COG5: variants seen among roughly 807,000 people sequenced by gnomAD.
COG5 encodes component of oligomeric golgi complex 5.
COG5 carries 86 observed loss-of-function variants against 110.4 expected under a neutral mutation model. The ratio of observed to expected loss-of-function variants is 0.78; its 90% CI spans 0.65 to 0.93. The LOEUF is 0.93. Ranked by LOEUF, COG5 falls within the 40% of genes least tolerant of loss-of-function variation. The pLI is 0.00. For missense variants in COG5, 1,077 were observed against 987.0 expected (o/e 1.09, Z -1.22); for synonymous variants, 360 against 334.6 (o/e 1.08, Z -0.83).
intron 11 of COG5, among the ~76,000 whole-genome samples, chr7:107,307,996 T>G (rs1483461823): frequency 6.6e-6 from 1 of 152,216 alleles, no homozygotes; most frequent in Non-Finnish European, 1.5e-5. Context: ...TCTGCCTGAT[T>G]GAGTTAGGAA....
At chr7:107,457,865 CAACAAA>C (rs912680922) in intron 6 of COG5, among the ~76,000 whole-genome samples, 1 of 152,106 alleles carries the variant, frequency 6.6e-6, no homozygotes, top group Non-Finnish European at 1.5e-5. Flanking sequence ...GCAACAACCA[CAACAAA>C]AACACTGATC....
intron 10 of COG5, among the ~76,000 whole-genome samples, chr7:107,352,160 G>A (rs949989393): frequency 6.7e-6 from 1 of 149,364 alleles, no homozygotes; most frequent in African/African-American, 2.5e-5. Context: ...TCCTTTGTAG[G>A]GACATGGATG....
At position 107,474,195 on chromosome 7, in the gene COG5, C is replaced by T. The variant is rs772840560; in HGVS notation, c.538+53042G>A. On this transcript the variant is annotated intron_variant, in intron 6 of 21. Transcript: ENST00000297135. The surrounding 1 kb of genome is among the most constrained non-coding windows in gnomAD (Gnocchi z 5.7). The stretch of plus-strand genomic sequence containing the variant: ...CGTTAAGCTTTCAAGTGTCTCTCAC[C>T]GGATTTCTTATGTTAGAAATTGTGT... 7.4e-6 allele frequency: 12 copies of T among 1,612,710 alleles called. No homozygotes were observed. Among genetic ancestry groups the T allele is most frequent in the South Asian group, 1.1e-5 (1 of 91,056 alleles).
At chr7:107,243,879 G>A (rs1165652729) in intron 17 of COG5, among the ~76,000 whole-genome samples, 2 of 152,126 alleles carry the variant, frequency 1.3e-5, no homozygotes, top group African/African-American at 4.8e-5. Flanking sequence ...TCAAAACCAT[G>A]CAATTACATG....
intron 13 of COG5, among the ~76,000 whole-genome samples, chr7:107,283,160 G>C (rs571989973): frequency 6.6e-6 from 1 of 152,212 alleles, no homozygotes; most frequent in Admixed American, 6.5e-5. Flanking sequence ...GCTAATCAAA[G>C]TTATATTCCT....
chr7:107,361,886 A>C, intron 10 of COG5, 147 bp downstream of exon 10: 1 of 638,572 alleles, frequency 1.6e-6, no homozygotes, highest in Non-Finnish European at 2.8e-6. Flanking sequence ...ATTGCAAGGA[A>C]CATTATTATA....
chr7:107,508,691 G>C (rs1397948101), intron 6 of COG5, among the ~76,000 whole-genome samples: 2 of 152,162 alleles, frequency 1.3e-5, no homozygotes, highest in Admixed American at 6.5e-5. Context: ...ACTTCCAGAG[G>C]AACGATCAGG....
intron 6 of COG5, among the ~76,000 whole-genome samples, chr7:107,473,385 A>G (rs1796757330): frequency 6.6e-6 from 1 of 151,952 alleles, no homozygotes; most frequent in South Asian, 2.1e-4. Context: ...AAGTTTGCCA[A>G]CTGCAAAGTT....
chr7:107,400,799 G>T (rs574209565), intron 7 of COG5, among the ~76,000 whole-genome samples: 5 of 152,176 alleles, frequency 3.3e-5, no homozygotes, highest in Admixed American at 2.0e-4. Flanking sequence ...CACAACAAGA[G>T]AATTTGTCAA....
intron 6 of COG5, among the ~76,000 whole-genome samples, chr7:107,523,405 G>T (rs1800473558): frequency 6.6e-6 from 1 of 151,102 alleles, no homozygotes; most frequent in Non-Finnish European, 1.5e-5. Context: ...AGCTTTTTTT[G>T]AAAACTCAAA....
chr7:107,330,067 G>C (rs1043935769), intron 10 of COG5, among the ~76,000 whole-genome samples: 1 of 152,156 alleles, frequency 6.6e-6, no homozygotes, highest in East Asian at 1.9e-4. Flanking sequence ...ACTACATTTT[G>C]AATAATTCAG....
chr7:107,425,065 C>G (rs1793556597), intron 6 of COG5, among the ~76,000 whole-genome samples: 1 of 152,082 alleles, frequency 6.6e-6, no homozygotes, highest in Admixed American at 6.5e-5. Flanking sequence ...TATAACATTT[C>G]CCACATCTAT....
intron 21 of COG5, among the ~76,000 whole-genome samples, chr7:107,206,236 C>T (rs537994253): frequency 2.6e-5 from 4 of 152,270 alleles, no homozygotes; most frequent in South Asian, 2.1e-4. Flanking sequence ...GCTGGGATTA[C>T]AGGCGTGAGC....
At chr7:107,205,851 C>T (rs995174064) in intron 21 of COG5, among the ~76,000 whole-genome samples, 2 of 151,972 alleles carry the variant, frequency 1.3e-5, no homozygotes, top group Admixed American at 1.3e-4. Flanking sequence ...GGATCCGGCA[C>T]TTTGGAATCC....
intron 6 of COG5, among the ~76,000 whole-genome samples, chr7:107,522,019 A>C (rs1476723516): frequency 6.6e-6 from 1 of 152,192 alleles, no homozygotes; most frequent in East Asian, 1.9e-4. Context: ...CTAGCACAGG[A>C]ATAGAAAACC....
chr7:107,526,797 T>A (rs1264439343), intron 6 of COG5, among the ~76,000 whole-genome samples: 1 of 152,194 alleles, frequency 6.6e-6, no homozygotes, highest in Non-Finnish European at 1.5e-5. Flanking sequence ...AAAGGTCACC[T>A]ACTTTGTAAT....
chr7:107,323,720 G>C (rs920106196), intron 11 of COG5, among the ~76,000 whole-genome samples: 1 of 152,278 alleles, frequency 6.6e-6, no homozygotes, highest in South Asian at 2.1e-4. Flanking sequence ...TCTGGTCAGT[G>C]TAGGGAGGGC....
At chr7:107,343,888 G>A (rs1233252598) in intron 10 of COG5, among the ~76,000 whole-genome samples, 1 of 149,842 alleles carries the variant, frequency 6.7e-6, no homozygotes, top group African/African-American at 2.5e-5. Flanking sequence ...TTTTTTCTGA[G>A]CAGGTCTTAA....
chr7:107,475,671 TA>T (rs1045260856), intron 6 of COG5: 5 of 211,350 alleles, frequency 2.4e-5, no homozygotes, highest in Admixed American at 5.8e-5. Flanking sequence ...TGTATAACTT[TA>T]AAATGTAACT....
Sources: gnomAD v4.1 joint callset for allele counts (sites outside exome capture counted in the v4.1 genomes callset) on GRCh38, gnomAD v4.1.1 for gene constraint, Gnocchi (gnomAD v3.1) non-coding constraint, MANE v1.5 for transcripts, NCBI Gene and HGNC (gene_info 2026-07-23, HGNC 2026-07-21) for gene names.